Variants in SEMA3D observed in about 807,000 individuals in gnomAD.
SEMA3D encodes semaphorin 3D.
SEMA3D carries 84 observed loss-of-function variants against 100.1 expected under a neutral mutation model. The observed-to-expected ratio is 0.84, with a 90% CI of 0.70 to 1.01. The LOEUF (loss-of-function observed/expected upper bound fraction) is 1.01. Ranked by LOEUF, SEMA3D falls within the 50% of genes least tolerant of loss-of-function variation. The pLI is 0.00. For missense variants in SEMA3D, 875 were observed against 934.1 expected, an observed-to-expected ratio of 0.94 and a Z score of 0.82; for synonymous variants, 312 against 320.7, an observed-to-expected ratio of 0.97 and a Z score of 0.29.
chr7:85,107,001 C>T (rs1226482041), intron 3 of SEMA3D, among the ~76,000 whole-genome samples: 1 of 152,044 alleles, frequency 6.6e-6, no homozygotes, highest in East Asian at 1.9e-4. Context: ...CACACCATAT[C>T]ACCATTTGTA....
chr7:85,184,407 AT>A (rs557001879), intron 1 of SEMA3D, among the ~76,000 whole-genome samples: 18 of 151,656 alleles, frequency 1.2e-4, no homozygotes, highest in East Asian at 3.9e-4. Flanking sequence ...CAGCAATACA[AT>A]TTTTTTTTAA....
the SEMA3D span, among the ~76,000 whole-genome samples, chr7:85,242,771 A>C: frequency 6.6e-6 from 1 of 152,142 alleles, no homozygotes; most frequent in Non-Finnish European, 1.5e-5. Context: ...TATTAACCAA[A>C]TTATCATTAT....
the SEMA3D span, among the ~76,000 whole-genome samples, chr7:85,203,445 A>C: frequency 6.6e-6 from 1 of 152,190 alleles, no homozygotes; most frequent in African/African-American, 2.4e-5. Flanking sequence ...AAAACATGCA[A>C]CCGAACATTG....
chr7:85,073,270 A>T (rs553031923), intron 5 of SEMA3D, among the ~76,000 whole-genome samples, 189 bp from the exon 6 acceptor site: 25 of 152,332 alleles, frequency 1.6e-4, no homozygotes, highest in African/African-American at 6.0e-4. Flanking sequence ...CATGGTATAA[A>T]GGAGTAGCTT....
At chr7:85,224,461 T>A in the SEMA3D span, among the ~76,000 whole-genome samples, 1 of 152,178 alleles carries the variant, frequency 6.6e-6, no homozygotes, top group Non-Finnish European at 1.5e-5. Context: ...AGGAAAGTTA[T>A]GGCTGAAATT....
chr7:85,008,326 G>A (rs1789857692), intron 17 of SEMA3D, among the ~76,000 whole-genome samples: 1 of 151,674 alleles, frequency 6.6e-6, no homozygotes, highest in African/African-American at 2.4e-5. Context: ...GAAATCAACT[G>A]GAAAAGTAAT....
the SEMA3D span, among the ~76,000 whole-genome samples, chr7:85,216,321 A>G: frequency 6.6e-6 from 1 of 151,698 alleles, no homozygotes; most frequent in Non-Finnish European, 1.5e-5. Context: ...ATGAAAAAAC[A>G]AGTGACCAGT....
At chr7:85,056,502 G>T (rs550140494) in intron 8 of SEMA3D, among the ~76,000 whole-genome samples, 33 of 151,548 alleles carry the variant, frequency 2.2e-4, no homozygotes, top group African/African-American at 7.5e-4. Flanking sequence ...TTATTATCAA[G>T]TGGATTTATA....
chr7:85,033,454 C>T (rs1790600991), intron 12 of SEMA3D, among the ~76,000 whole-genome samples: 1 of 152,066 alleles, frequency 6.6e-6, no homozygotes, highest in Non-Finnish European at 1.5e-5. Context: ...GCGGTGACAA[C>T]CACCACTTGT....
At chr7:85,084,118 G>C (rs1224906102) in intron 4 of SEMA3D, among the ~76,000 whole-genome samples, 1 of 151,820 alleles carries the variant, frequency 6.6e-6, no homozygotes, top group African/African-American at 2.4e-5. Context: ...CTGCACCCCA[G>C]CCTGGGCGAC....
chr7:85,017,514 T>A (rs1326585839), intron 15 of SEMA3D, among the ~76,000 whole-genome samples: 1 of 151,772 alleles, frequency 6.6e-6, no homozygotes, highest in African/African-American at 2.4e-5. Flanking sequence ...CACTCTGCCA[T>A]AGGAACAGTA....
upstream of SEMA3D, among the ~76,000 whole-genome samples, chr7:85,189,771 C>T (rs574199282): frequency 2.3e-4 from 35 of 152,172 alleles, no homozygotes; most frequent in Non-Finnish European, 4.4e-4. Context: ...AGACATACTA[C>T]TCCTCACCCA....
chr7:85,163,297 A>G (rs1004058213), intron 1 of SEMA3D, among the ~76,000 whole-genome samples: 2 of 152,128 alleles, frequency 1.3e-5, no homozygotes, highest in African/African-American at 4.8e-5. Context: ...AAAAAGGAGA[A>G]AGTAATATCA....
the SEMA3D span, among the ~76,000 whole-genome samples, chr7:85,208,123 T>A: frequency 6.8e-6 from 1 of 146,016 alleles, no homozygotes; most frequent in Non-Finnish European, 1.6e-5. Flanking sequence ...TTACAACATA[T>A]CATATACATA....
intron 2 of SEMA3D, chr7:85,140,037 T>C: frequency 2.0e-6 from 1 of 501,354 alleles, no homozygotes; most frequent in Non-Finnish European, 2.6e-6. Flanking sequence ...TGTTGCATGC[T>C]GTCATTAATT....
chr7:85,101,618 G>T (rs985507444), intron 3 of SEMA3D, among the ~76,000 whole-genome samples: 2 of 151,956 alleles, frequency 1.3e-5, no homozygotes, highest in African/African-American at 4.8e-5. Flanking sequence ...ATTATGAATA[G>T]TGTCTGGCAC....
At chr7:85,157,560 T>C (rs745746284) in intron 1 of SEMA3D, 8 of 512,258 alleles carry the variant, frequency 1.6e-5, no homozygotes, top group African/African-American at 2.1e-5. Flanking sequence ...TTTCGCACCA[T>C]GTCCCAATAT....
At chr7:85,091,388 G>T (rs1788388968) in intron 4 of SEMA3D, among the ~76,000 whole-genome samples, 1 of 151,744 alleles carries the variant, frequency 6.6e-6, no homozygotes, top group Non-Finnish European at 1.5e-5. Flanking sequence ...TCCAAAATAA[G>T]TAACATTTTC....
At chr7:85,086,955 C>A (rs542861395) in intron 4 of SEMA3D, among the ~76,000 whole-genome samples, 1 of 152,198 alleles carries the variant, frequency 6.6e-6, no homozygotes, top group South Asian at 2.1e-4. Context: ...TAAAAGTCAG[C>A]CCTCAGGATC....
Sources: gnomAD v4.1 joint callset for allele counts (sites outside exome capture counted in the v4.1 genomes callset) on GRCh38, gnomAD v4.1.1 for gene constraint, MANE v1.5 for transcripts, NCBI Gene and HGNC (gene_info 2026-07-23, HGNC 2026-07-21) for gene names.